CREB5: variants seen among roughly 807,000 people sequenced by gnomAD.
CREB5 encodes cyclic AMP-responsive element-binding protein 5.
CREB5 carries 19 observed loss-of-function variants against 57.1 expected under a neutral mutation model. The ratio of observed to expected loss-of-function variants is 0.33; its 90% CI spans 0.23 to 0.49. CREB5 has a LOEUF of 0.49. Among genes scored for constraint, CREB5 ranks in the 20% least tolerant of loss-of-function variants. The pLI, the probability that CREB5 is intolerant of heterozygous loss-of-function variation, is 0.99. For synonymous variants in CREB5, 238 were observed against 238.3 expected, an observed-to-expected ratio of 1.00 and a Z score of 0.01; for missense variants, 579 against 671.6, an observed-to-expected ratio of 0.86 and a Z score of 1.52.
intron 1 of CREB5, among the ~76,000 whole-genome samples, chr7:28,428,617 T>A (rs1477284278): frequency 6.6e-6 from 1 of 152,118 alleles, no homozygotes; most frequent in Non-Finnish European, 1.5e-5. Flanking sequence ...TCGACTGAGA[T>A]GGGGAAGACG....
intron 5 of CREB5, among the ~76,000 whole-genome samples, chr7:28,679,426 G>A (rs1459094930): frequency 1.3e-5 from 2 of 152,142 alleles, no homozygotes; most frequent in Non-Finnish European, 2.9e-5. Context: ...GAAAGAGGCA[G>A]GCATTTACTT....
intron 1 of CREB5, among the ~76,000 whole-genome samples, chr7:28,371,075 G>A (rs1786696214): frequency 1.3e-5 from 2 of 152,186 alleles, no homozygotes; most frequent in African/African-American, 4.8e-5. Flanking sequence ...GAGACAGCAA[G>A]TAAGGATGAG....
intron 7 of CREB5, among the ~76,000 whole-genome samples, chr7:28,754,696 T>C (rs1805189513): frequency 6.6e-6 from 1 of 152,224 alleles, no homozygotes; most frequent in African/African-American, 2.4e-5. Context: ...CGATCCTCAT[T>C]AGAGCTGTGA....
intron 1 of CREB5, among the ~76,000 whole-genome samples, chr7:28,300,820 C>T (rs1785087221): frequency 6.6e-6 from 1 of 152,136 alleles, no homozygotes; most frequent in Admixed American, 6.5e-5. Context: ...TTTAAAAATA[C>T]TACTCTTCAG....
chr7:28,601,476 C>T (rs1464220630), intron 5 of CREB5, among the ~76,000 whole-genome samples: 2 of 152,044 alleles, frequency 1.3e-5, no homozygotes, highest in Non-Finnish European at 2.9e-5. Context: ...GTAGGCATGA[C>T]CAGAGAAAAG....
At chr7:28,619,400 G>A (rs1201254030) in intron 5 of CREB5, among the ~76,000 whole-genome samples, 1 of 152,234 alleles carries the variant, frequency 6.6e-6, no homozygotes, top group East Asian at 1.9e-4. Flanking sequence ...CTGGACAAAT[G>A]TCTTCTCTTT....
chr7:28,507,672 A>G lies in CREB5; in HGVS notation c.226A>G (p.Ser76Gly), dbSNP rs200202352. 95 of 1,612,950 alleles carry G rather than the reference A, an allele frequency of 5.9e-5. No individual in the cohort carries two copies. In the Admixed American group the frequency reaches 1.6e-3, roughly 27 times the overall value. The stretch of plus-strand genomic sequence containing the variant: ...GAACTGCGAGGAGGTGGGCCTCTTC[A>G]GCGAGCTGGACTGCTCCCTGGAGCA... ...LKNCEEVGLF[S>G]ELDCSLEHEF... The change falls in exon 4 of 11, where the codon AGC becomes GGC. Residue 76 changes from serine to glycine, a missense_variant. Transcript: ENST00000357727.
chr7:28,555,109 T>TTGTGTGTGTGTGTGTGTGTGTGTG lies in CREB5; in HGVS notation c.292-15239_292-15238insGTGTGTGTGTGTGTGTGTGTGTGT, dbSNP rs58647223. ...AGTTGTCATAGATCTATAAGCTGCA[T>TTGTGTGTGTGTGTGTGTGTGTGTG]TGTGTGTGTGTGTGTGTAAATAAAA... is the stretch of plus-strand genomic sequence containing the variant. On this transcript the variant is annotated intron_variant, in intron 4 of 10. Coordinates refer to ENST00000357727, the MANE Select transcript of CREB5 (RefSeq NM_182898.4). Among the ~76,000 whole-genome samples, 2,782 of 148,874 alleles carry TTGTGTGTGTGTGTGTGTGTGTGTG rather than the reference T, an allele frequency of 0.019. 157 individuals carry two copies. The East Asian group carries it at 0.24, about 13-fold the overall frequency.
chr7:28,388,974 T>G lies in CREB5; in HGVS notation c.-25+89533T>G, dbSNP rs1787160911. Among the ~76,000 whole-genome samples the G allele has an allele frequency of 2.6e-5, 4 of 152,224 alleles. No homozygotes were observed. In the South Asian group the frequency reaches 8.3e-4, roughly 32 times the overall value. On this transcript the variant is annotated intron_variant, in intron 1 of 9. Transcript: ENST00000396299. ...GTGACATGTGTAGAAAATTTAGTTG[T>G]AACTATTTCTTCAAGCACATCCTGG...
At chr7:28,739,997 T>C (rs1804244575) in intron 7 of CREB5, among the ~76,000 whole-genome samples, 1 of 152,132 alleles carries the variant, frequency 6.6e-6, no homozygotes. Context: ...CCCTTCTAAA[T>C]GGTGTTCCGT....
intron 5 of CREB5, among the ~76,000 whole-genome samples, chr7:28,655,082 T>C (rs1799284427): frequency 6.6e-6 from 1 of 151,944 alleles, no homozygotes; most frequent in Non-Finnish European, 1.5e-5. Context: ...TTTGTATTAT[T>C]TGTAGAGATG....
intron 5 of CREB5, among the ~76,000 whole-genome samples, chr7:28,678,263 C>T (rs538779842): frequency 3.9e-5 from 6 of 152,174 alleles, no homozygotes; most frequent in African/African-American, 1.2e-4. Flanking sequence ...TGGTGTGCGC[C>T]TGTAGCCCCA....
At chr7:28,695,361 GGTGCCAGGAATTCTGT>G (rs1801496459) in intron 5 of CREB5, among the ~76,000 whole-genome samples, 1 of 152,192 alleles carries the variant, frequency 6.6e-6, no homozygotes, top group Non-Finnish European at 1.5e-5. Flanking sequence ...TGAGCTTCCT[GGTGCCAGGAATTCTGT>G]CATATTGCCC....
intron 1 of CREB5, among the ~76,000 whole-genome samples, chr7:28,479,742 G>A (rs1791244649): frequency 6.6e-6 from 1 of 152,166 alleles, no homozygotes; most frequent in African/African-American, 2.4e-5. Context: ...CACCCAGTAT[G>A]ATACCATCAT....
At chr7:28,718,043 C>T (rs774909182) in intron 5 of CREB5, among the ~76,000 whole-genome samples, 37 of 152,274 alleles carry the variant, frequency 2.4e-4, no homozygotes, top group Non-Finnish European at 3.8e-4. Context: ...AATACTCCCC[C>T]GAGGAGTGCT....
intron 7 of CREB5, among the ~76,000 whole-genome samples, chr7:28,739,390 G>A (rs2128755867): frequency 6.6e-6 from 1 of 152,354 alleles, no homozygotes; most frequent in East Asian, 1.9e-4. Context: ...GGTGAGAGGG[G>A]AGGGGTTTTG....
intron 1 of CREB5, among the ~76,000 whole-genome samples, chr7:28,397,161 A>T (rs1197734056): frequency 6.6e-6 from 1 of 152,156 alleles, no homozygotes; most frequent in Non-Finnish European, 1.5e-5. Flanking sequence ...CAACACATGG[A>T]TTGAAAAAAA....
chr7:28,305,526 A>G (rs968853214), intron 1 of CREB5, among the ~76,000 whole-genome samples: 1 of 152,090 alleles, frequency 6.6e-6, no homozygotes, highest in African/African-American at 2.4e-5. Context: ...CCCCAAAGCT[A>G]CTGCATTCCC....
At chr7:28,360,607 TCA>T (rs1255515993) in intron 1 of CREB5, among the ~76,000 whole-genome samples, 4 of 152,336 alleles carry the variant, frequency 2.6e-5, no homozygotes, top group African/African-American at 9.6e-5. Flanking sequence ...GTACAATATT[TCA>T]GTTAGACTGG....
Sources: allele counts gnomAD v4.1 joint callset (sites outside exome capture counted in the v4.1 genomes callset), GRCh38; gene constraint gnomAD v4.1.1; transcripts MANE v1.5; gene names NCBI Gene and HGNC (gene_info 2026-07-23, HGNC 2026-07-21).